Variants in KCNQ5 observed in about 807,000 individuals in gnomAD.
KCNQ5 encodes potassium voltage-gated channel subfamily Q member 5.
Under a neutral mutation model 98.2 loss-of-function variants are expected in KCNQ5, and 30 were observed. That is an observed-to-expected ratio of 0.31 (90% CI 0.23 to 0.41). The LOEUF (loss-of-function observed/expected upper bound fraction) is 0.41, where lower values mean the gene tolerates loss of function less well. Ranked by LOEUF, KCNQ5 falls within the 10% of genes least tolerant of loss-of-function variation. The pLI is 1.00. For synonymous variants in KCNQ5, 458 were observed against 449.4 expected, an observed-to-expected ratio of 1.02 and a Z score of -0.24; for missense variants, 835 against 1,182.5, an observed-to-expected ratio of 0.71 and a Z score of 4.31.
intron 3 of KCNQ5, among the ~76,000 whole-genome samples, chr6:73,076,392 A>G (rs1425662954): frequency 6.6e-6 from 1 of 152,202 alleles, no homozygotes; most frequent in African/African-American, 2.4e-5. Context: ...GCTAACTTTT[A>G]TTAAAATTGC....
Position 73,035,012 on chromosome 6 carries a change from A to T in KCNQ5, c.490-6924A>T, listed in dbSNP as rs1191969085. Among the ~76,000 whole-genome samples, 5 of 151,446 alleles carry T rather than the reference A, an allele frequency of 3.3e-5. No homozygotes were observed. The East Asian group carries it at 9.7e-4, about 29-fold the overall frequency. The stretch of plus-strand genomic sequence containing the variant: ...AGGCGCCCGCCACCACACCCAGCTA[A>T]TTTTTTGTATTTTTAGTAGAGACGG... On this transcript the variant is annotated intron_variant, in intron 2 of 13. Coordinates refer to ENST00000370398, the MANE Select transcript of KCNQ5 (RefSeq NM_019842.4).
At chr6:72,638,295 C>T (rs973383618) in intron 1 of KCNQ5, among the ~76,000 whole-genome samples, 3 of 152,224 alleles carry the variant, frequency 2.0e-5, no homozygotes, top group East Asian at 1.9e-4. Context: ...GATTGCCTTA[C>T]ATGGTTCCAG....
chr6:73,160,163 A>G (rs982493046), intron 10 of KCNQ5, among the ~76,000 whole-genome samples: 27 of 148,314 alleles, frequency 1.8e-4, no homozygotes, highest in East Asian at 3.9e-4. Context: ...ACAGGCACCC[A>G]CCACGACGCC....
chr6:72,768,497 T>G (rs1772688382), intron 1 of KCNQ5, among the ~76,000 whole-genome samples: 1 of 152,088 alleles, frequency 6.6e-6, no homozygotes, highest in Non-Finnish European at 1.5e-5. Context: ...TTTTGCTTTT[T>G]GATGTGACTG....
intron 1 of KCNQ5, among the ~76,000 whole-genome samples, chr6:72,655,620 T>G (rs1766151123): frequency 6.6e-6 from 1 of 152,102 alleles, no homozygotes; most frequent in Non-Finnish European, 1.5e-5. Context: ...ATTATTGTCC[T>G]GTTGACTGAA....
At chr6:72,961,181 T>G (rs916160111) in intron 1 of KCNQ5, among the ~76,000 whole-genome samples, 9 of 152,188 alleles carry the variant, frequency 5.9e-5, no homozygotes, top group Non-Finnish European at 1.2e-4. Context: ...AAAGTAAATA[T>G]AATGTGGACC....
intron 10 of KCNQ5, among the ~76,000 whole-genome samples, chr6:73,147,278 T>C (rs1405975938): frequency 1.3e-5 from 2 of 151,830 alleles, no homozygotes; most frequent in East Asian, 3.8e-4. Context: ...ATATTAAATA[T>C]ATTGTTATTA....
intron 1 of KCNQ5, among the ~76,000 whole-genome samples, chr6:72,638,647 T>G (rs181228582): frequency 6.6e-6 from 1 of 152,230 alleles, no homozygotes; most frequent in African/African-American, 2.4e-5. Context: ...ATTTTTTTTT[T>G]GGTTTCTTGT....
At chr6:72,653,055 A>C (rs1357064750) in intron 1 of KCNQ5, among the ~76,000 whole-genome samples, 1 of 152,034 alleles carries the variant, frequency 6.6e-6, no homozygotes, top group Non-Finnish European at 1.5e-5. Context: ...TATGGTAGCA[A>C]TTGCTTACTA....
At chr6:72,983,258 A>C (rs4419637) in intron 1 of KCNQ5, among the ~76,000 whole-genome samples, 118,907 of 152,120 alleles carry the variant, frequency 0.78, 48,558 homozygotes, top group Non-Finnish European at 0.9. Flanking sequence ...TAATATCCTG[A>C]AGAGTGTTTT....
chr6:72,903,608 G>A (rs933352041), intron 1 of KCNQ5, among the ~76,000 whole-genome samples: 1 of 152,120 alleles, frequency 6.6e-6, no homozygotes, highest in African/African-American at 2.4e-5. Flanking sequence ...CTCAGGACCA[G>A]GTTATTCAAT....
At chr6:73,002,113 G>A (rs1433013521) in intron 1 of KCNQ5, among the ~76,000 whole-genome samples, 1 of 152,198 alleles carries the variant, frequency 6.6e-6, no homozygotes, top group Non-Finnish European at 1.5e-5. Context: ...CTGGTCAACA[G>A]AGGAAGACCC....
At chr6:72,829,665 A>G (rs1302439384) in intron 1 of KCNQ5, among the ~76,000 whole-genome samples, 1 of 152,240 alleles carries the variant, frequency 6.6e-6, no homozygotes, top group Non-Finnish European at 1.5e-5. Context: ...TGGACAATTC[A>G]GTAGATGCCA....
At chr6:72,719,756 G>C (rs1447260294) in intron 1 of KCNQ5, among the ~76,000 whole-genome samples, 1 of 152,044 alleles carries the variant, frequency 6.6e-6, no homozygotes, top group Non-Finnish European at 1.5e-5. Context: ...CTCAGGGATT[G>C]GACAGTGCAG....
intron 1 of KCNQ5, among the ~76,000 whole-genome samples, chr6:72,715,833 A>G (rs563062787): frequency 3.9e-5 from 6 of 152,278 alleles, no homozygotes; most frequent in Admixed American, 1.3e-4. Flanking sequence ...TCTGAATAAT[A>G]TAATCTCCAT....
Position 73,055,401 on chromosome 6 carries a change from C to T in KCNQ5, c.616+13339C>T, listed in dbSNP as rs575419508. ...GGTCTCAATAAAGCAGAAACTGCTGCAAAACATAGTGAAGCCCAGGTGAAG... is the reference window on the plus strand; with the variant it reads ...GGTCTCAATAAAGCAGAAACTGCTGTAAAACATAGTGAAGCCCAGGTGAAG... On this transcript the variant is annotated intron_variant, in intron 3 of 13. Coordinates refer to ENST00000370398, the MANE Select transcript of KCNQ5 (RefSeq NM_019842.4). 1.5e-4 allele frequency: 224 copies of T among 1,513,118 alleles called. 1 individual carries two copies. The highest frequency in any genetic ancestry group is 1.4e-3 in the Middle Eastern group (8 of 5,604). 93.7% of individuals were successfully genotyped at this position (1,513,118 alleles called of 1,614,324 possible). A position where few individuals can be genotyped will look rare whatever the true frequency, so the allele number is the denominator to read the frequency against.
At chr6:72,763,669 G>T (rs890783965) in intron 1 of KCNQ5, among the ~76,000 whole-genome samples, 5 of 151,990 alleles carry the variant, frequency 3.3e-5, no homozygotes, top group African/African-American at 1.2e-4. Context: ...TCCTAAAGGA[G>T]GCCTCCAGCC....
chr6:72,885,583 T>C (rs1273185742), intron 1 of KCNQ5, among the ~76,000 whole-genome samples: 1 of 152,226 alleles, frequency 6.6e-6, no homozygotes, highest in Non-Finnish European at 1.5e-5. Flanking sequence ...AAATCCTTTT[T>C]ATAACATCAC....
intron 1 of KCNQ5, among the ~76,000 whole-genome samples, chr6:72,995,457 G>A (rs1769251794): frequency 6.6e-6 from 1 of 151,762 alleles, no homozygotes; most frequent in African/African-American, 2.4e-5. Context: ...ATTAAATAAT[G>A]CTTATTTCTT....
Sources: gnomAD v4.1 joint callset for allele counts (sites outside exome capture counted in the v4.1 genomes callset) on GRCh38, gnomAD v4.1.1 for gene constraint, MANE v1.5 for transcripts, NCBI Gene and HGNC (gene_info 2026-07-23, HGNC 2026-07-21) for gene names.